The following RAD17 variants were observed in gnomAD, a reference collection of about 807,000 sequenced individuals.
The protein encoded by RAD17 is cell cycle checkpoint protein RAD17.
A neutral mutation model predicts 81.5 loss-of-function variants in RAD17; 31 were observed. The ratio of observed to expected loss-of-function variants is 0.38; its 90% CI spans 0.29 to 0.51. RAD17 has a LOEUF of 0.51. Among genes scored for constraint, RAD17 ranks in the 20% least tolerant of loss-of-function variants. The pLI is 0.88. For missense variants in RAD17, 681 were observed against 781.2 expected (o/e 0.87, Z 1.53); for synonymous variants, 261 against 266.2 (o/e 0.98, Z 0.19).
chr5:69,382,306 T>C (rs1423924960), intron 7 of RAD17, among the ~76,000 whole-genome samples: 1 of 152,002 alleles, frequency 6.6e-6, no homozygotes, highest in Non-Finnish European at 1.5e-5. Context: ...ATCAGCTAGG[T>C]ATAGTGTTGT....
chr5:69,392,831 A>C lies in RAD17; in HGVS notation c.1190-324A>C, dbSNP rs1313373403. ...CATCTTCCTACATAGTAAATAAAAGAGTAAAGACCACTGTATTGAGATGAG... is the reference window on the plus strand; with the variant it reads ...CATCTTCCTACATAGTAAATAAAAGCGTAAAGACCACTGTATTGAGATGAG... On this transcript the variant is annotated intron_variant, in intron 13 of 18. Coordinates refer to ENST00000354868, the MANE Select transcript of RAD17 (RefSeq NM_133338.3). 1.3e-5 allele frequency: 6 copies of C among 476,098 alleles called. No homozygotes were observed. In the East Asian group the frequency reaches 3.7e-4, roughly 29 times the overall value. 29.5% of individuals were successfully genotyped at this position (476,098 alleles called of 1,614,324 possible). A position where few individuals can be genotyped will look rare whatever the true frequency, so the allele number is the denominator to read the frequency against.
At chr5:69,407,670 G>A (rs575086740) in intron 17 of RAD17, among the ~76,000 whole-genome samples, 1 of 134,998 alleles carries the variant, frequency 7.4e-6, no homozygotes, top group Non-Finnish European at 1.5e-5. Flanking sequence ...TCCACCTCCT[G>A]AGTTCAAGCA....
chr5:69,408,597 G>A (rs1765781458), intron 17 of RAD17, among the ~76,000 whole-genome samples: 1 of 132,226 alleles, frequency 7.6e-6, no homozygotes, highest in Non-Finnish European at 1.5e-5. Context: ...TGCAACCTCC[G>A]CCTCCTGGGC....
At chr5:69,407,752 A>T (rs974436902) in intron 17 of RAD17, among the ~76,000 whole-genome samples, 5 of 151,782 alleles carry the variant, frequency 3.3e-5, no homozygotes, top group African/African-American at 1.2e-4. Flanking sequence ...GGGTTTCGCC[A>T]TGTTGGCCAG....
Position 69,410,969 on chromosome 5 carries a change from A to G in RAD17, c.1751+419A>G, listed in dbSNP as rs28458950. Among the ~76,000 whole-genome samples, 91 of 103,634 alleles carry G rather than the reference A, an allele frequency of 8.8e-4. 1 individual carries two copies. The highest frequency in any genetic ancestry group is 9.4e-4 in the African/African-American group (30 of 31,978). 68.0% of individuals were successfully genotyped at this position (103,634 alleles called of 152,430 possible). On this transcript the variant is annotated intron_variant, in intron 18 of 18. Coordinates refer to ENST00000354868, the MANE Select transcript of RAD17 (RefSeq NM_133338.3). Reference sequence around the variant, plus strand: ...AAGCAAAAAATAGATGTCTGTCTATATATATATATATATATATATATATAT... The same window carrying G: ...AAGCAAAAAATAGATGTCTGTCTATGTATATATATATATATATATATATAT...
At chr5:69,377,789 G>A (rs989507115) in intron 6 of RAD17, among the ~76,000 whole-genome samples, 6 of 149,780 alleles carry the variant, frequency 4.0e-5, no homozygotes, top group Non-Finnish European at 8.9e-5. Flanking sequence ...CTGTTTATTT[G>A]TTTATTAATT....
At position 69,389,027 on chromosome 5, in the gene RAD17, A is replaced by AT; in HGVS notation, c.895-3dup. The stretch of plus-strand genomic sequence containing the variant: ...ACTTTTTTTTAAATTTAATTTTCTT[A>AT]TTTTAGAATGGAGGAAAAATTACTG... On this transcript the variant is annotated splice_region_variant and splice_polypyrimidine_tract_variant and intron_variant, in intron 11 of 18. Transcript: ENST00000354868. 7.1e-7 allele frequency: 1 copy of AT among 1,409,472 alleles called. No homozygotes were observed. Among genetic ancestry groups the AT allele is most frequent in the Non-Finnish European group, 9.5e-7 (1 of 1,055,032 alleles). 87.3% of individuals were successfully genotyped at this position (1,409,472 alleles called of 1,614,324 possible). A position where few individuals can be genotyped will look rare whatever the true frequency, so the allele number is the denominator to read the frequency against.
intron 12 of RAD17, among the ~76,000 whole-genome samples, chr5:69,391,334 C>T (rs138993137): frequency 3.3e-5 from 5 of 152,104 alleles, no homozygotes; most frequent in Non-Finnish European, 7.4e-5. Context: ...CGATGAGAAA[C>T]CAAGGCGATG....
chr5:69,386,381 CT>C lies in RAD17; in HGVS notation c.825-12del. ...AATTAATCATTTAACTGCTATCTTT[CT>C]TTATAAAACTTAGTTTCAACCCTGT... On this transcript the variant is annotated splice_polypyrimidine_tract_variant and intron_variant, in intron 10 of 18. Coordinates refer to ENST00000354868, the MANE Select transcript of RAD17 (RefSeq NM_133338.3). 1 of 1,584,680 alleles carries C rather than the reference CT, an allele frequency of 6.3e-7. No homozygotes were observed. Among genetic ancestry groups the C allele is most frequent in the Middle Eastern group, 1.7e-4 (1 of 5,808 alleles).
chr5:69,382,683 A>G (rs17236275), intron 7 of RAD17, among the ~76,000 whole-genome samples: 38 of 152,374 alleles, frequency 2.5e-4, no homozygotes, highest in African/African-American at 8.4e-4. Context: ...CCCCAACAAG[A>G]TAGCTTAGAT....
chr5:69,377,537 A>ATG (rs1763478932), intron 6 of RAD17, among the ~76,000 whole-genome samples: 1 of 59,382 alleles, frequency 1.7e-5, no homozygotes, highest in Non-Finnish European at 3.4e-5. Context: ...GTGTATATAT[A>ATG]CGTATATATA....
chr5:69,384,792 T>C lies in RAD17; in HGVS notation c.509-5T>C. ...AAATAAAAGTGGTTATGTGTTTCCT[T>C]TCAGAATCAAGCTTCCATATGTTTC... On this transcript the variant is annotated splice_polypyrimidine_tract_variant and splice_region_variant and intron_variant, in intron 7 of 18. Coordinates refer to ENST00000354868, the MANE Select transcript of RAD17 (RefSeq NM_133338.3). 6.3e-7 allele frequency: 1 copy of C among 1,597,878 alleles called. No homozygotes were observed. Among genetic ancestry groups the C allele is most frequent in the Non-Finnish European group, 8.5e-7 (1 of 1,173,726 alleles).
chr5:69,369,297 G>A, upstream of RAD17: 2 of 219,496 alleles, frequency 9.1e-6, no homozygotes, highest in African/African-American at 4.9e-5. Flanking sequence ...CTCGCCTCCC[G>A]CAACGCCCGC....
chr5:69,405,459 G>T (rs1332748101), intron 17 of RAD17, among the ~76,000 whole-genome samples: 1 of 151,698 alleles, frequency 6.6e-6, no homozygotes, highest in Non-Finnish European at 1.5e-5. Flanking sequence ...CTGAGGTCGG[G>T]AGTTCGAGAC....
chr5:69,387,503 C>CT (rs1352378487), intron 11 of RAD17, among the ~76,000 whole-genome samples: 18 of 152,240 alleles, frequency 1.2e-4, no homozygotes, highest in African/African-American at 4.3e-4. Flanking sequence ...GAGAAACAAA[C>CT]TGAGTCCAAT....
At chr5:69,373,382 G>A (rs755157388) in intron 4 of RAD17, among the ~76,000 whole-genome samples, 2 of 152,128 alleles carry the variant, frequency 1.3e-5, no homozygotes, top group South Asian at 2.1e-4. Flanking sequence ...TACAGACAGA[G>A]TTTTATTTAA....
At chr5:69,377,474 T>TATATATATATATAC (rs1322869343) in intron 6 of RAD17, among the ~76,000 whole-genome samples, 10 of 10,204 alleles carry the variant, frequency 9.8e-4, no homozygotes, top group South Asian at 8.8e-3. Context: ...TATATATATA[T>TATATATATATATAC]ACACACACAC....
chr5:69,385,933 T>C, intron 8 of RAD17, 110 bp from the exon 9 acceptor site: 2 of 1,108,614 alleles, frequency 1.8e-6, no homozygotes, highest in Non-Finnish European at 2.4e-6. Flanking sequence ...AAGTTCTGTT[T>C]AAAATACATT....
intron 6 of RAD17, among the ~76,000 whole-genome samples, chr5:69,378,637 A>C (rs1763658155): frequency 6.6e-6 from 1 of 152,226 alleles, no homozygotes; most frequent in Non-Finnish European, 1.5e-5. Context: ...CTCTGGTAAC[A>C]ACATTTTTGT....
Sources: gnomAD v4.1 joint callset for allele counts (sites outside exome capture counted in the v4.1 genomes callset) on GRCh38, gnomAD v4.1.1 for gene constraint, MANE v1.5 for transcripts, NCBI Gene and HGNC (gene_info 2026-07-23, HGNC 2026-07-21) for gene names.